Variants in MFSD2A observed in about 807,000 individuals in gnomAD.
MFSD2A encodes the protein sodium-dependent lysophosphatidylcholine symporter 1.
Under a neutral mutation model 64.7 loss-of-function variants are expected in MFSD2A, and 27 were observed. The ratio of observed to expected loss-of-function variants is 0.42; its 90% CI spans 0.31 to 0.58. The LOEUF is 0.58. Ranked by LOEUF, MFSD2A falls within the 20% of genes least tolerant of loss-of-function variation. The pLI is 0.18. For missense variants in MFSD2A, 474 were observed against 679.5 expected (o/e 0.70, Z 3.36); for synonymous variants, 258 against 273.4 (o/e 0.94, Z 0.55).
intron 1 of MFSD2A, among the ~76,000 whole-genome samples, chr1:39,956,178 G>A (rs1372235292): frequency 1.3e-5 from 2 of 152,216 alleles, no homozygotes; most frequent in Non-Finnish European, 2.9e-5. Flanking sequence ...TGAACCTGGA[G>A]GCCTTTCCTC....
intron 9 of MFSD2A, 43 bp downstream of exon 9, chr1:39,967,212 G>T: frequency 6.5e-7 from 1 of 1,540,990 alleles, no homozygotes; most frequent in South Asian, 1.1e-5. Context: ...GGGCTGAGGT[G>T]ACATAGGCTG....
rs1383031169 is a variant in MFSD2A at position 39,968,864 on chromosome 1, TA to T, written c.1529+121del. 2 of 1,105,464 alleles carry T rather than the reference TA, an allele frequency of 1.8e-6. No homozygotes were observed. The highest frequency in any genetic ancestry group is 5.0e-5 in the East Asian group (2 of 40,208). 68.5% of individuals were successfully genotyped at this position (1,105,464 alleles called of 1,614,324 possible). A position where few individuals can be genotyped will look rare whatever the true frequency, so the allele number is the denominator to read the frequency against. ...CCCACACATCTTCTCTGGACAGCTG[TA>T]ACACTTAAGTACGCACCAGGCACTG... is the stretch of plus-strand genomic sequence containing the variant. On this transcript the variant is annotated intron_variant, in intron 13 of 13. Coordinates refer to ENST00000372811, the MANE Select transcript of MFSD2A (RefSeq NM_032793.5). The surrounding 1 kb of genome is among the most constrained non-coding windows in gnomAD (Gnocchi z 4.4).
At position 39,955,579 on chromosome 1, in the gene MFSD2A, C is replaced by G. The variant is rs1982873; in HGVS notation, c.93+194C>G. 6 of 703,388 alleles carry G rather than the reference C, an allele frequency of 8.5e-6. No homozygotes were observed. The highest frequency in any genetic ancestry group is 1.3e-5 in the Non-Finnish European group (5 of 390,490). 43.6% of individuals were successfully genotyped at this position (703,388 alleles called of 1,614,324 possible). A position where few individuals can be genotyped will look rare whatever the true frequency, so the allele number is the denominator to read the frequency against. Reference sequence around the variant, plus strand: ...GAAAAGCTGTGGGCGCCCTCGCCCCCCTTTGCTCACCCGCACTCCACGCTC... The same window carrying G: ...GAAAAGCTGTGGGCGCCCTCGCCCCGCTTTGCTCACCCGCACTCCACGCTC... On this transcript the variant is annotated intron_variant, in intron 1 of 13. Transcript: ENST00000372811. This position sits in a 1 kb window ranked among gnomAD's most constrained non-coding sequence, Gnocchi z 5.9.
In MFSD2A at chr1:39,955,373, G is replaced by A. The variant is rs1570228993; in HGVS notation, c.81G>A (p.Pro27=). 2 of 1,493,840 alleles carry A rather than the reference G, an allele frequency of 1.3e-6. No homozygotes were observed. Among genetic ancestry groups the A allele is most frequent in the South Asian group, 1.4e-5 (1 of 73,052 alleles). The allele number at this position is 1,493,840 out of a possible 1,614,324, so 92.5% of individuals were successfully genotyped here. The change falls in exon 1 of 14, where the codon CCG becomes CCA. Residue 27 remains proline, a synonymous_variant. Transcript: ENST00000372811. This position sits in a 1 kb window ranked among gnomAD's most constrained non-coding sequence, Gnocchi z 5.9. Reference sequence around the variant, plus strand: ...GCATCCTCCAAAGCACTGAACGCCCGGCCCAGGTGAAGGTGAGGGCCCGGC... The same window carrying A: ...GCATCCTCCAAAGCACTGAACGCCCAGCCCAGGTGAAGGTGAGGGCCCGGC... The part of the protein sequence containing the change: ...PTSILQSTER[P]AQVKKEPKKK...
intron 3 of MFSD2A, among the ~76,000 whole-genome samples, chr1:39,962,283 A>T (rs998731006): frequency 6.6e-6 from 1 of 152,038 alleles, no homozygotes; most frequent in Non-Finnish European, 1.5e-5. Context: ...CTTGCCTCAG[A>T]TGTCTAAAAG....
At position 39,958,951 on chromosome 1, in the gene MFSD2A, G is replaced by A. The variant is rs1644980564; in HGVS notation, c.353+126G>A. The A allele has an allele frequency of 4.1e-6, 5 of 1,205,162 alleles. No individual in the cohort carries two copies. Among genetic ancestry groups the A allele is most frequent in the Non-Finnish European group, 4.6e-6 (4 of 867,398 alleles). The allele number at this position is 1,205,162 out of a possible 1,614,324, so 74.7% of individuals were successfully genotyped here. On this transcript the variant is annotated intron_variant, in intron 3 of 13. Transcript: ENST00000372811. This position sits in a 1 kb window ranked among gnomAD's most constrained non-coding sequence, Gnocchi z 4.7. ...AGAAGGAAGGAGTTAAAAGCCCAAG[G>A]GTGTTGAAACCCCATCCGAGGCATC...
chr1:39,965,054 C>T lies in MFSD2A; in HGVS notation c.354-157C>T. 1 of 1,016,432 alleles carries T rather than the reference C, an allele frequency of 9.8e-7. No homozygotes were observed. The allele number at this position is 1,016,432 out of a possible 1,614,324, so 63.0% of individuals were successfully genotyped here. On this transcript the variant is annotated intron_variant, in intron 3 of 13. Transcript: ENST00000372811. The surrounding 1 kb of genome is among the most constrained non-coding windows in gnomAD (Gnocchi z 5.5). The stretch of plus-strand genomic sequence containing the variant: ...CCGGGCTTGGTCATCAGCCTCTTCC[C>T]AGAGGCCCAGGATGGGTGGATTTGG...
Position 39,963,362 on chromosome 1 carries a change from C to T in MFSD2A, c.354-1849C>T, listed in dbSNP as rs1645087656. On this transcript the variant is annotated intron_variant, in intron 3 of 13. Coordinates refer to ENST00000372811, the MANE Select transcript of MFSD2A (RefSeq NM_032793.5). The surrounding 1 kb of genome is among the most constrained non-coding windows in gnomAD (Gnocchi z 4.2). ...CTCCCGATCAGGAATTCACTGACCA[C>T]CTCATCAAGACCCACCAGGCTCCAG... 5.1e-6 allele frequency: 4 copies of T among 782,452 alleles called. No individual in the cohort carries two copies. Among genetic ancestry groups the T allele is most frequent in the South Asian group, 3.1e-5 (2 of 63,618 alleles). The allele number at this position is 782,452 out of a possible 1,614,324, so 48.5% of individuals were successfully genotyped here. A position where few individuals can be genotyped will look rare whatever the true frequency, so the allele number is the denominator to read the frequency against.
In MFSD2A at chr1:39,955,197, C is replaced by G. The variant is rs1201273566; in HGVS notation, c.-96C>G. 8 of 1,096,200 alleles carry G rather than the reference C, an allele frequency of 7.3e-6. No individual in the cohort carries two copies. In the East Asian group the frequency reaches 1.9e-4, roughly 26 times the overall value. The allele number at this position is 1,096,200 out of a possible 1,614,324, so 67.9% of individuals were successfully genotyped here. A position where few individuals can be genotyped will look rare whatever the true frequency, so the allele number is the denominator to read the frequency against. ...CTTGGCTAGCGCGCGGCGGCCGTGG[C>G]TAAGGCTGCTACGAAGCGAGCTTGG... On this transcript the variant is annotated 5_prime_UTR_variant, in exon 1 of 14. Coordinates refer to ENST00000372811, the MANE Select transcript of MFSD2A (RefSeq NM_032793.5). This position sits in a 1 kb window ranked among gnomAD's most constrained non-coding sequence, Gnocchi z 5.9.
chr1:39,969,878 CTG>C lies in MFSD2A; in HGVS notation c.*314_*315del, dbSNP rs1645245827. On this transcript the variant is annotated 3_prime_UTR_variant, in exon 14 of 14. Coordinates refer to ENST00000372811, the MANE Select transcript of MFSD2A (RefSeq NM_032793.5). ...CAGAGCCTAATTAATAACTTAATGA[CTG>C]TGTACATAGCAATGTGTGTGTATGT... The C allele has an allele frequency of 7.1e-6, 3 of 423,904 alleles. No homozygotes were observed. The highest frequency in any genetic ancestry group is 6.4e-5 in the South Asian group (2 of 31,392). 26.3% of individuals were successfully genotyped at this position (423,904 alleles called of 1,614,324 possible).
chr1:39,963,828 G>A lies in MFSD2A; in HGVS notation c.354-1383G>A, dbSNP rs768025037. Among the ~76,000 whole-genome samples, 6 of 152,246 alleles carry A rather than the reference G, an allele frequency of 3.9e-5. No homozygotes were observed. The highest frequency in any genetic ancestry group is 5.9e-5 in the Non-Finnish European group (4 of 68,010). ...CGGCTCACTGCAACCTCTGCCTCCC[G>A]GGTTCAAGTGATTCTCCCGCTTCAG... On this transcript the variant is annotated intron_variant, in intron 3 of 13. Transcript: ENST00000372811. The surrounding 1 kb of genome is among the most constrained non-coding windows in gnomAD (Gnocchi z 4.2).
In MFSD2A at chr1:39,963,596, T is replaced by A. The variant is rs1645091747; in HGVS notation, c.354-1615T>A. Among the ~76,000 whole-genome samples the A allele has an allele frequency of 6.6e-6, 1 of 152,288 alleles. No individual in the cohort carries two copies. Among genetic ancestry groups the A allele is most frequent in the East Asian group, 1.9e-4 (1 of 5,164 alleles). ...TTACAGCCATTTTTAAGTGTACAGT[T>A]CAGTGGCATTAAATACATTCACTTT... On this transcript the variant is annotated intron_variant, in intron 3 of 13. Coordinates refer to ENST00000372811, the MANE Select transcript of MFSD2A (RefSeq NM_032793.5). This position sits in a 1 kb window ranked among gnomAD's most constrained non-coding sequence, Gnocchi z 4.2.
chr1:39,962,646 C>G, intron 3 of MFSD2A: 1 of 842,162 alleles, frequency 1.2e-6, no homozygotes, highest in Non-Finnish European at 1.9e-6. Flanking sequence ...CAGTGGCATC[C>G]GGGGCCGGGG....
In MFSD2A at chr1:39,968,588, C is replaced by G. The variant is rs758264809; in HGVS notation, c.1372C>G (p.Arg458Gly). 6.2e-7 allele frequency: 1 copy of G among 1,614,192 alleles called. No homozygotes were observed. Among genetic ancestry groups the G allele is most frequent in the East Asian group, 2.2e-5 (1 of 44,880 alleles). ...CCATAGCTTTGCAGGGTACCAGACC[C>G]GTGGCTGCTCGCAGCCGGAACGTGT... ...LSLDFAGYQT[R>G]GCSQPERVKF... The change falls in exon 13 of 14, where the codon CGT becomes GGT. Residue 458 changes from arginine to glycine, a missense_variant. Coordinates refer to ENST00000372811, the MANE Select transcript of MFSD2A (RefSeq NM_032793.5). This position sits in a 1 kb window ranked among gnomAD's most constrained non-coding sequence, Gnocchi z 4.4.
At position 39,955,624 on chromosome 1, in the gene MFSD2A, C is replaced by T; in HGVS notation, c.93+239C>T. 1.5e-6 allele frequency: 1 copy of T among 687,920 alleles called. No homozygotes were observed. Among genetic ancestry groups the T allele is most frequent in the Non-Finnish European group, 2.7e-6 (1 of 376,886 alleles). The allele number at this position is 687,920 out of a possible 1,614,324, so 42.6% of individuals were successfully genotyped here. ...ACGCTCTGCGGAGAGGCTCTGCCGG[C>T]AGCCCCATGTGATTCCCCGCTCTGC... On this transcript the variant is annotated intron_variant, in intron 1 of 13. Coordinates refer to ENST00000372811, the MANE Select transcript of MFSD2A (RefSeq NM_032793.5). This position sits in a 1 kb window ranked among gnomAD's most constrained non-coding sequence, Gnocchi z 5.9.
In MFSD2A at chr1:39,967,746, T is replaced by C. The variant is rs1184878160; in HGVS notation, c.1095+35T>C. Reference sequence around the variant, plus strand: ...GTTGAAGAGCAGAGCCTGGGTTGAGTTGGGATGTCTGGTGGGAACCTCCCA... The same window carrying C: ...GTTGAAGAGCAGAGCCTGGGTTGAGCTGGGATGTCTGGTGGGAACCTCCCA... On this transcript the variant is annotated intron_variant, in intron 10 of 13. Coordinates refer to ENST00000372811, the MANE Select transcript of MFSD2A (RefSeq NM_032793.5). The C allele has an allele frequency of 4.3e-6, 7 of 1,610,680 alleles. No individual in the cohort carries two copies. In the African/African-American group the frequency reaches 8.0e-5, roughly 18 times the overall value.
At position 39,965,212 on chromosome 1, in the gene MFSD2A, A is replaced by T. The variant is rs764862307; in HGVS notation, c.355A>T (p.Ile119Phe). The stretch of plus-strand genomic sequence containing the variant: ...CACTCACACCCTCCTCTTCCTCAGG[A>T]TCATCTTCTCCACGCCCCTGGCCGT... ...WTCLGRLMPW[I>F]IFSTPLAVIA... Residue 119 changes from isoleucine (I) to phenylalanine (F), a missense_variant and splice_region_variant, in exon 4 of 14, where the codon ATC becomes TTC. By Grantham distance (21) the Ile-to-Phe change is conservative (BLOSUM62 0). Transcript: ENST00000372811. This position sits in a 1 kb window ranked among gnomAD's most constrained non-coding sequence, Gnocchi z 5.5. The T allele has an allele frequency of 1.2e-6, 2 of 1,613,924 alleles. No homozygotes were observed. The highest frequency in any genetic ancestry group is 2.2e-5 in the South Asian group (2 of 91,080).
rs867419644 is a variant in MFSD2A at position 39,960,449 on chromosome 1, G to A, written c.353+1624G>A. Among the ~76,000 whole-genome samples, 10 of 146,670 alleles carry A rather than the reference G, an allele frequency of 6.8e-5. No individual in the cohort carries two copies. Among genetic ancestry groups the A allele is most frequent in the African/African-American group, 2.0e-4 (8 of 40,556 alleles). ...AGCCTTTGATCCAGTCTTCAGGGCCGGGGGCAGGACAGCCTGCCTTACCTG... is the reference window on the plus strand; with the variant it reads ...AGCCTTTGATCCAGTCTTCAGGGCCAGGGGCAGGACAGCCTGCCTTACCTG... On this transcript the variant is annotated intron_variant, in intron 3 of 13. Coordinates refer to ENST00000372811, the MANE Select transcript of MFSD2A (RefSeq NM_032793.5). The surrounding 1 kb of genome is among the most constrained non-coding windows in gnomAD (Gnocchi z 4.8).
rs199588616 is a variant in MFSD2A, at chr1:39,958,847, G to A, written c.353+22G>A. On this transcript the variant is annotated intron_variant, in intron 3 of 13. Coordinates refer to ENST00000372811, the MANE Select transcript of MFSD2A (RefSeq NM_032793.5). The surrounding 1 kb of genome is among the most constrained non-coding windows in gnomAD (Gnocchi z 4.7). ...CCTGGTGAGTAGAATATGCCCCTTC[G>A]AGGTGGCACAAGGCAGGACTTCCAG... is the stretch of plus-strand genomic sequence containing the variant. 1,060 of 1,570,106 alleles carry A rather than the reference G, an allele frequency of 6.8e-4. 1 individual carries two copies. Among genetic ancestry groups the A allele is most frequent in the Middle Eastern group, 8.6e-4 (5 of 5,806 alleles).
Sources: allele counts gnomAD v4.1 joint callset (sites outside exome capture counted in the v4.1 genomes callset), GRCh38; gene constraint gnomAD v4.1.1; non-coding constraint Gnocchi (gnomAD v3.1); transcripts MANE v1.5; gene names NCBI Gene and HGNC (gene_info 2026-07-23, HGNC 2026-07-21).